The following KCNMA1 variants were observed in gnomAD, a reference collection of about 807,000 sequenced individuals.
KCNMA1 encodes the protein potassium calcium-activated channel subfamily M alpha 1, also known as Calcium-activated potassium channel subunit alpha-1.
KCNMA1 carries 29 observed loss-of-function variants against 140.0 expected under a neutral mutation model. The ratio of observed to expected loss-of-function variants is 0.21; its 90% CI spans 0.15 to 0.28. KCNMA1 has a LOEUF of 0.28. Among genes scored for constraint, KCNMA1 ranks in the 10% least tolerant of loss-of-function variants. KCNMA1 has a pLI of 1.00. For synonymous variants in KCNMA1, 612 were observed against 611.9 expected (o/e 1.00, Z 0.00); for missense variants, 880 against 1,602.2 (o/e 0.55, Z 7.70).
chr10:77,184,706 G>A (rs2098833855), intron 4 of KCNMA1, 117 bp downstream of exon 4: 1 of 757,058 alleles, frequency 1.3e-6, no homozygotes, highest in Admixed American at 1.8e-5. Flanking sequence ...CAGAATGCGG[G>A]TGCGCTGTTT....
downstream of KCNMA1, chr10:76,872,762 A>T (rs2031602911): frequency 6.6e-6 from 1 of 152,330 alleles, no homozygotes; most frequent in South Asian, 2.1e-4. Flanking sequence ...ATACCTCTGC[A>T]TTCTTGCCAG....
At chr10:77,482,272 C>T (rs568819700) in intron 1 of KCNMA1, among the ~76,000 whole-genome samples, 19 of 152,346 alleles carry the variant, frequency 1.2e-4, no homozygotes, top group African/African-American at 4.6e-4. Flanking sequence ...TCAGCACCCA[C>T]GTGCATCTGT....
chr10:77,301,733 G>A (rs982729503), intron 2 of KCNMA1, among the ~76,000 whole-genome samples: 1 of 151,558 alleles, frequency 6.6e-6, no homozygotes, highest in Non-Finnish European at 1.5e-5. Flanking sequence ...ATTTCCACAT[G>A]TATGCAGATA....
chr10:77,519,477 C>T (rs565478642), intron 1 of KCNMA1, among the ~76,000 whole-genome samples: 1 of 147,466 alleles, frequency 6.8e-6, no homozygotes, highest in South Asian at 2.2e-4. Context: ...AGTCAACACT[C>T]CACTGAGAAG....
At chr10:77,323,817 C>G (rs1189313181) in intron 2 of KCNMA1, among the ~76,000 whole-genome samples, 1 of 152,114 alleles carries the variant, frequency 6.6e-6, no homozygotes, top group Non-Finnish European at 1.5e-5. Flanking sequence ...AGGGAGGGAC[C>G]TGGGAGATGG....
intron 1 of KCNMA1, among the ~76,000 whole-genome samples, chr10:77,531,695 T>A (rs561739097): frequency 6.6e-6 from 1 of 152,176 alleles, no homozygotes; most frequent in African/African-American, 2.4e-5. Context: ...CCTTCATGCA[T>A]AAACCCACCA....
chr10:77,137,898 C>T (rs1042012773), intron 5 of KCNMA1, among the ~76,000 whole-genome samples: 2 of 152,174 alleles, frequency 1.3e-5, no homozygotes, highest in African/African-American at 2.4e-5. Flanking sequence ...CCTCCCGCCT[C>T]AGCCCCCCAA....
intron 24 of KCNMA1, chr10:76,914,618 T>A: frequency 5.6e-6 from 2 of 359,808 alleles, no homozygotes; most frequent in Non-Finnish European, 1.0e-5. Context: ...CCAGAAAGAA[T>A]CCGTGAACTA....
chr10:76,907,141 G>T (rs569767689), intron 25 of KCNMA1, among the ~76,000 whole-genome samples: 1 of 152,292 alleles, frequency 6.6e-6, no homozygotes, highest in East Asian at 1.9e-4. Flanking sequence ...CCAGATTCCT[G>T]ATACCCTTTT....
chr10:77,441,322 T>C (rs1442567846), intron 1 of KCNMA1, among the ~76,000 whole-genome samples: 2 of 152,120 alleles, frequency 1.3e-5, no homozygotes, highest in Non-Finnish European at 2.9e-5. Context: ...ACACACTGGA[T>C]ACACTAGGGG....
chr10:76,890,818 A>G (rs546715875), intron 26 of KCNMA1, among the ~76,000 whole-genome samples: 2 of 152,324 alleles, frequency 1.3e-5, no homozygotes. Flanking sequence ...GACGCTGGCC[A>G]CTTCCGTCAC....
chr10:77,103,456 G>T (rs188250806), intron 9 of KCNMA1, among the ~76,000 whole-genome samples: 1 of 152,332 alleles, frequency 6.6e-6, no homozygotes, highest in East Asian at 1.9e-4. Context: ...GCTCTGTGCT[G>T]TGCGGCAGAC....
At chr10:76,977,170 G>A (rs192965816) in intron 19 of KCNMA1, among the ~76,000 whole-genome samples, 16 of 152,206 alleles carry the variant, frequency 1.1e-4, no homozygotes, top group East Asian at 9.7e-4. Context: ...TGCAGTCCGC[G>A]TTTGTGAGGG....
intron 2 of KCNMA1, among the ~76,000 whole-genome samples, chr10:77,368,911 A>G (rs1286601463): frequency 2.6e-5 from 4 of 152,222 alleles, no homozygotes; most frequent in Admixed American, 6.5e-5. Flanking sequence ...CCCTTTGCCA[A>G]TATGACACTG....
intron 1 of KCNMA1, among the ~76,000 whole-genome samples, chr10:77,595,766 A>C (rs1356693723): frequency 6.6e-6 from 1 of 152,120 alleles, no homozygotes; most frequent in Non-Finnish European, 1.5e-5. Context: ...TCTTCTCCTC[A>C]GCCTCCCAAG....
intron 15 of KCNMA1, among the ~76,000 whole-genome samples, chr10:77,037,536 C>T (rs888115029): frequency 3.3e-5 from 5 of 152,090 alleles, no homozygotes; most frequent in Admixed American, 1.3e-4. Flanking sequence ...ATAAGAGGAA[C>T]GGACTCAGTT....
chr10:76,968,150 A>C (rs1366244978), intron 20 of KCNMA1, among the ~76,000 whole-genome samples: 1 of 152,114 alleles, frequency 6.6e-6, no homozygotes, highest in Non-Finnish European at 1.5e-5. Flanking sequence ...TGTAACACTA[A>C]AGTATTTAAT....
chr10:77,141,333 T>C (rs1409151793), intron 5 of KCNMA1, among the ~76,000 whole-genome samples: 4 of 151,976 alleles, frequency 2.6e-5, no homozygotes, highest in African/African-American at 9.7e-5. Flanking sequence ...AAGTCGTAGG[T>C]TGAAGCCCAA....
intron 17 of KCNMA1, among the ~76,000 whole-genome samples, chr10:77,013,440 AT>A (rs1336887882): frequency 6.6e-6 from 1 of 152,156 alleles, no homozygotes; most frequent in African/African-American, 2.4e-5. Flanking sequence ...TAAAAAAAAA[AT>A]AAAAAGAAAT....
Sources: gnomAD v4.1 joint callset for allele counts (sites outside exome capture counted in the v4.1 genomes callset) on GRCh38, gnomAD v4.1.1 for gene constraint, MANE v1.5 for transcripts, NCBI Gene and HGNC (gene_info 2026-07-23, HGNC 2026-07-21) for gene names.